TSNARE1: variants seen among roughly 807,000 people sequenced by gnomAD.
TSNARE1 encodes t-SNARE domain-containing protein 1.
A neutral mutation model predicts 62.0 loss-of-function variants in TSNARE1; 49 were observed. That is an observed-to-expected ratio of 0.79 (90% CI 0.63 to 1.00). The LOEUF is 1.00. Among genes scored for constraint, TSNARE1 ranks in the 50% least tolerant of loss-of-function variants. The pLI, the probability that TSNARE1 is intolerant of heterozygous loss-of-function variation, is 0.00. For missense variants in TSNARE1, 755 were observed against 700.1 expected (o/e 1.08, Z -0.88); for synonymous variants, 328 against 294.4 (o/e 1.11, Z -1.17).
intron 11 of TSNARE1, chr8:142,275,920 G>A: frequency 2.0e-6 from 2 of 985,334 alleles, no homozygotes; most frequent in Non-Finnish European, 2.4e-6. Context: ...TCCCAGCAAG[G>A]ACTCCCTACT....
chr8:142,254,139 C>T (rs552982322), intron 12 of TSNARE1, among the ~76,000 whole-genome samples: 37 of 152,370 alleles, frequency 2.4e-4, no homozygotes, highest in African/African-American at 6.0e-4. Flanking sequence ...CCCGGGAGCC[C>T]GGCCGGCTGG....
intron 12 of TSNARE1, among the ~76,000 whole-genome samples, chr8:142,266,000 T>C (rs1300863413): frequency 1.3e-5 from 2 of 152,244 alleles, no homozygotes; most frequent in East Asian, 1.9e-4. Flanking sequence ...TATATTCTAC[T>C]AGTCACTGGC....
intron 12 of TSNARE1, among the ~76,000 whole-genome samples, chr8:142,241,406 GAATTTATACTGTTAT>G (rs1817662153): frequency 6.6e-6 from 1 of 152,104 alleles, no homozygotes; most frequent in African/African-American, 2.4e-5. Context: ...TGGATTGGAA[GAATTTATACTGTTAT>G]AATGCCTATA....
At chr8:142,397,508 T>C (rs983382764) in intron 1 of TSNARE1, among the ~76,000 whole-genome samples, 30 of 152,294 alleles carry the variant, frequency 2.0e-4, no homozygotes, top group African/African-American at 6.7e-4. Flanking sequence ...GGCTAAGATG[T>C]GGCAATGCTG....
chr8:142,228,372 C>T (rs1816936555), intron 13 of TSNARE1, among the ~76,000 whole-genome samples: 1 of 152,246 alleles, frequency 6.6e-6, no homozygotes, highest in Non-Finnish European at 1.5e-5. Flanking sequence ...CCCTGCCCGG[C>T]TGCAGCCCAG....
intron 6 of TSNARE1, among the ~76,000 whole-genome samples, chr8:142,326,617 G>A (rs1168931610): frequency 6.7e-6 from 1 of 148,278 alleles, no homozygotes; most frequent in Non-Finnish European, 1.5e-5. Flanking sequence ...GAAGGGGAGG[G>A]GCCCCGGAGA....
intron 11 of TSNARE1, among the ~76,000 whole-genome samples, chr8:142,283,770 C>G (rs62513099): frequency 4.6e-5 from 3 of 64,564 alleles, no homozygotes; most frequent in South Asian, 1.0e-3. Flanking sequence ...GCAGGGACAG[C>G]GTCAATGAAC....
rs375584916 is a variant in TSNARE1 at position 142,222,621 on chromosome 8, C to G, written c.*11+6852G>C. 2.7e-5 allele frequency among the ~76,000 whole-genome samples: 4 copies of G among 148,118 alleles called. No homozygotes were observed. The East Asian group carries it at 6.2e-4, about 23-fold the overall frequency. Reference sequence around the variant, plus strand: ...TCATCCACTCACTCATTCATCCACTCACTCATCCACTCACTCATTCACTTA... The same window carrying G: ...TCATCCACTCACTCATTCATCCACTGACTCATCCACTCACTCATTCACTTA... On this transcript the variant is annotated intron_variant, in intron 13 of 13. Coordinates refer to ENST00000524325, the MANE Select transcript of TSNARE1 (RefSeq NM_145003.5).
At chr8:142,281,012 G>A (rs987324589) in intron 11 of TSNARE1, among the ~76,000 whole-genome samples, 1 of 152,202 alleles carries the variant, frequency 6.6e-6, no homozygotes, top group African/African-American at 2.4e-5. Flanking sequence ...TCTTCTCCTG[G>A]GGACACAGCA....
chr8:142,247,274 T>C (rs963527144), intron 12 of TSNARE1, among the ~76,000 whole-genome samples: 4 of 152,222 alleles, frequency 2.6e-5, no homozygotes, highest in Non-Finnish European at 4.4e-5. Context: ...GGGGCGCTAC[T>C]GCCCGAGGCT....
At chr8:142,271,559 G>A (rs951671862) in intron 12 of TSNARE1, 5 of 1,400,912 alleles carry the variant, frequency 3.6e-6, no homozygotes, top group Admixed American at 3.0e-5. Context: ...TGGGGAAGCA[G>A]GTGGGGAGGG....
At chr8:142,334,412 G>T (rs993865176) in intron 4 of TSNARE1, among the ~76,000 whole-genome samples, 6 of 151,856 alleles carry the variant, frequency 4.0e-5, no homozygotes, top group Non-Finnish European at 2.9e-5. Flanking sequence ...CCAGGGCCCA[G>T]GATCACTCTC....
chr8:142,261,206 G>A (rs1818867710), intron 12 of TSNARE1, among the ~76,000 whole-genome samples: 1 of 125,400 alleles, frequency 8.0e-6, no homozygotes, highest in Non-Finnish European at 1.7e-5. Context: ...AGGAAGGGAG[G>A]GGAGAGGGAG....
rs1163461261 is a variant in TSNARE1, at chr8:142,301,779, C to T, written c.1132-1135G>A. ...ACCAGGAGCACCTGCTCCACTCAGC[C>T]GTGCCCCCGATCTTCCTGAAAACCC... On this transcript the variant is annotated intron_variant, in intron 9 of 13. Coordinates refer to ENST00000524325, the MANE Select transcript of TSNARE1 (RefSeq NM_145003.5). 2.8e-5 allele frequency among the ~76,000 whole-genome samples: 4 copies of T among 141,190 alleles called. No individual in the cohort carries two copies. In the East Asian group the frequency reaches 6.6e-4, roughly 23 times the overall value. 92.6% of individuals were successfully genotyped at this position (141,190 alleles called of 152,430 possible). A position where few individuals can be genotyped will look rare whatever the true frequency, so the allele number is the denominator to read the frequency against.
At position 142,283,102 on chromosome 8, in the gene TSNARE1, G is replaced by C. The variant is rs1328208095; in HGVS notation, c.1363+1311C>G. On this transcript the variant is annotated intron_variant, in intron 11 of 13. Transcript: ENST00000524325. ...GCCAGTGTCTATCAATGAGCAGAGG[G>C]GAGGCCACTGTCTGTCAATGAGCAG... Among the ~76,000 whole-genome samples, 25 of 133,772 alleles carry C rather than the reference G, an allele frequency of 1.9e-4. 1 individual carries two copies. The highest frequency in any genetic ancestry group is 1.4e-3 in the East Asian group (6 of 4,138). 87.8% of individuals were successfully genotyped at this position (133,772 alleles called of 152,430 possible). A position where few individuals can be genotyped will look rare whatever the true frequency, so the allele number is the denominator to read the frequency against.
At position 142,308,371 on chromosome 8, in the gene TSNARE1, G is replaced by A. The variant is rs145474977; in HGVS notation, c.1131+6013C>T. Among the ~76,000 whole-genome samples, 12 of 152,286 alleles carry A rather than the reference G, an allele frequency of 7.9e-5. No homozygotes were observed. The East Asian group carries it at 2.1e-3, about 27-fold the overall frequency. On this transcript the variant is annotated intron_variant, in intron 9 of 13. Transcript: ENST00000524325. Reference sequence around the variant, plus strand: ...GTGGGTCTGTAGTCCGGCTGGAAGTGCTTTCTGCACAGGGTGAGCTGACGT... The same window carrying A: ...GTGGGTCTGTAGTCCGGCTGGAAGTACTTTCTGCACAGGGTGAGCTGACGT...
intron 4 of TSNARE1, 65 bp from the exon 5 acceptor site, chr8:142,331,896 C>T (rs951646397): frequency 4.1e-6 from 6 of 1,480,492 alleles, no homozygotes; most frequent in Non-Finnish European, 5.6e-6. Flanking sequence ...CCCAGCTCTG[C>T]TAACCGCTCT....
In TSNARE1 at chr8:142,301,585, T is replaced by A. The variant is rs528477178; in HGVS notation, c.1132-941A>T. Among the ~76,000 whole-genome samples, 4 of 152,146 alleles carry A rather than the reference T, an allele frequency of 2.6e-5. No homozygotes were observed. The East Asian group carries it at 7.8e-4, about 30-fold the overall frequency. On this transcript the variant is annotated intron_variant, in intron 9 of 13. Transcript: ENST00000524325. ...CCATGCCAGCGGGCCTTCCTTCACC[T>A]TAGGAAGGTGTGTGTGGTTATGCAT... is the stretch of plus-strand genomic sequence containing the variant.
chr8:142,214,595 G>C (rs1324583378), intron 13 of TSNARE1, among the ~76,000 whole-genome samples: 2 of 152,070 alleles, frequency 1.3e-5, no homozygotes, highest in East Asian at 1.9e-4. Flanking sequence ...CTCTCGGTGA[G>C]GCCTGTTTAA....
Sources: gnomAD v4.1 joint callset for allele counts (sites outside exome capture counted in the v4.1 genomes callset) on GRCh38, gnomAD v4.1.1 for gene constraint, MANE v1.5 for transcripts, NCBI Gene and HGNC (gene_info 2026-07-23, HGNC 2026-07-21) for gene names.